Variants in PDCD1LG2 observed in about 807,000 individuals in gnomAD.
PDCD1LG2 encodes the protein programmed cell death 1 ligand 2, also known as B7 dendritic cell molecule.
A neutral mutation model predicts 28.2 loss-of-function variants in PDCD1LG2; 32 were observed. That is an observed-to-expected ratio of 1.13 (90% confidence interval 0.86 to 1.52). The LOEUF (loss-of-function observed/expected upper bound fraction) is 1.52. PDCD1LG2 is among the 40% of genes most tolerant of loss of function. PDCD1LG2 has a pLI of 0.00. For missense variants in PDCD1LG2, 385 were observed against 323.8 expected (o/e 1.19, Z -1.45); for synonymous variants, 116 against 120.2 (o/e 0.97, Z 0.23).
At chr9:5,521,464 A>G (rs1820272922) in intron 1 of PDCD1LG2, among the ~76,000 whole-genome samples, 1 of 152,210 alleles carries the variant, frequency 6.6e-6, no homozygotes, top group African/African-American at 2.4e-5. Flanking sequence ...ATTTTAAAAC[A>G]AAGAAAAAAT....
chr9:5,520,819 A>T (rs1563820912), intron 1 of PDCD1LG2, among the ~76,000 whole-genome samples: 1 of 152,198 alleles, frequency 6.6e-6, no homozygotes, highest in African/African-American at 2.4e-5. Flanking sequence ...TTCCTCAAAA[A>T]GTTAAATATA....
intron 1 of PDCD1LG2, among the ~76,000 whole-genome samples, chr9:5,512,726 T>A (rs1820085152): frequency 6.6e-6 from 1 of 152,198 alleles, no homozygotes; most frequent in Admixed American, 6.5e-5. Context: ...TTTTTTGGAA[T>A]GCTTATGCCT....
intron 3 of PDCD1LG2, among the ~76,000 whole-genome samples, chr9:5,538,033 A>G (rs1017093294): frequency 2.6e-4 from 40 of 152,382 alleles, no homozygotes; most frequent in African/African-American, 8.9e-4. Flanking sequence ...AATATGTTAC[A>G]TTAAGATAAA....
In PDCD1LG2 at chr9:5,570,871, C is replaced by G. The variant is rs182957048; in HGVS notation, c.*912C>G. ...CTTTTCAGTGCCTCAGTTTGCACAT[C>G]TGTAATACAGCAATGCTAAGTAGTC... On this transcript the variant is annotated 3_prime_UTR_variant, in exon 7 of 7. Coordinates refer to ENST00000397747, the MANE Select transcript of PDCD1LG2 (RefSeq NM_025239.4). 8.6e-6 allele frequency: 2 copies of G among 232,880 alleles called. No homozygotes were observed. The highest frequency in any genetic ancestry group is 5.6e-5 in the Admixed American group (1 of 17,788). The allele number at this position is 232,880 out of a possible 1,614,324, so 14.4% of individuals were successfully genotyped here. A position where few individuals can be genotyped will look rare whatever the true frequency, so the allele number is the denominator to read the frequency against.
At position 5,540,283 on chromosome 9, in the gene PDCD1LG2, T is replaced by C. The variant is rs567132470; in HGVS notation, c.361+5233T>C. Among the ~76,000 whole-genome samples the C allele has an allele frequency of 2.0e-5, 3 of 152,182 alleles. No individual in the cohort carries two copies. In the South Asian group the frequency reaches 6.2e-4, roughly 32 times the overall value. ...CATTAAATGCCTACATCAAAAAGTC[T>C]GAAAGAGCACAAATAGGCAATCTAA... is the stretch of plus-strand genomic sequence containing the variant. On this transcript the variant is annotated intron_variant, in intron 3 of 6. Transcript: ENST00000397747.
Position 5,557,843 on chromosome 9 carries a change from T to A in PDCD1LG2, c.766+91T>A, listed in dbSNP as rs1816477858. Reference sequence around the variant, plus strand: ...ACTGCAGGCCTATGGCTTGCTGCTTTCATGCTAAACCCACTCAGAGCTTAT... The same window carrying A: ...ACTGCAGGCCTATGGCTTGCTGCTTACATGCTAAACCCACTCAGAGCTTAT... On this transcript the variant is annotated intron_variant, in intron 5 of 6. Transcript: ENST00000397747. 4.7e-6 allele frequency: 7 copies of A among 1,497,054 alleles called. No individual in the cohort carries two copies. The South Asian group carries it at 7.1e-5, about 15-fold the overall frequency. 92.7% of individuals were successfully genotyped at this position (1,497,054 alleles called of 1,614,324 possible). A position where few individuals can be genotyped will look rare whatever the true frequency, so the allele number is the denominator to read the frequency against.
chr9:5,566,037 A>C (rs949913660), intron 6 of PDCD1LG2, among the ~76,000 whole-genome samples: 2 of 152,162 alleles, frequency 1.3e-5, no homozygotes, highest in Non-Finnish European at 2.9e-5. Flanking sequence ...TGACATTCCC[A>C]CACCCATTCT....
intron 3 of PDCD1LG2, among the ~76,000 whole-genome samples, chr9:5,536,588 T>C (rs993552879): frequency 6.6e-6 from 1 of 152,232 alleles, no homozygotes; most frequent in African/African-American, 2.4e-5. Flanking sequence ...CTGTTTTTAT[T>C]GATCTCTATC....
chr9:5,530,919 A>G (rs184629502), intron 2 of PDCD1LG2, among the ~76,000 whole-genome samples: 30 of 152,332 alleles, frequency 2.0e-4, no homozygotes, highest in African/African-American at 7.0e-4. Flanking sequence ...TTGAAATTCT[A>G]CATTTCTACC....
At chr9:5,516,327 G>C (rs913518533) in intron 1 of PDCD1LG2, among the ~76,000 whole-genome samples, 2 of 152,212 alleles carry the variant, frequency 1.3e-5, no homozygotes, top group Admixed American at 1.3e-4. Flanking sequence ...TGGGATTACA[G>C]GCATGAGCCA....
In PDCD1LG2 at chr9:5,570,381, T is replaced by C. The variant is rs1204630140; in HGVS notation, c.*422T>C. On this transcript the variant is annotated 3_prime_UTR_variant, in exon 7 of 7. Coordinates refer to ENST00000397747, the MANE Select transcript of PDCD1LG2 (RefSeq NM_025239.4). ...GGGTTGCCAATAGAGTTATTTTTTA[T>C]CTATAGCTTCCTCTGGGTACTAGAA... is the stretch of plus-strand genomic sequence containing the variant. The C allele has an allele frequency of 4.1e-6, 1 of 244,304 alleles. No individual in the cohort carries two copies. Among genetic ancestry groups the C allele is most frequent in the African/African-American group, 2.2e-5 (1 of 45,646 alleles). The allele number at this position is 244,304 out of a possible 1,614,324, so 15.1% of individuals were successfully genotyped here.
At chr9:5,558,058 G>A (rs1300819795) in intron 5 of PDCD1LG2, among the ~76,000 whole-genome samples, 2 of 152,218 alleles carry the variant, frequency 1.3e-5, no homozygotes, top group Non-Finnish European at 2.9e-5. Flanking sequence ...TTTTGGCAAT[G>A]CAGAGAGCTA....
intron 4 of PDCD1LG2, among the ~76,000 whole-genome samples, chr9:5,553,113 A>G (rs2129898485): frequency 6.6e-6 from 1 of 152,266 alleles, no homozygotes; most frequent in African/African-American, 2.4e-5. Context: ...CTCTGTCTCC[A>G]AAAAAGAAAA....
At chr9:5,543,417 C>T (rs1467738702) in intron 3 of PDCD1LG2, among the ~76,000 whole-genome samples, 15 of 151,862 alleles carry the variant, frequency 9.9e-5, no homozygotes, top group Admixed American at 6.6e-5. Flanking sequence ...CAGGCACCTG[C>T]AGTCGCAGCT....
intron 1 of PDCD1LG2, among the ~76,000 whole-genome samples, chr9:5,514,178 T>C (rs1820112460): frequency 6.6e-6 from 1 of 152,222 alleles, no homozygotes; most frequent in African/African-American, 2.4e-5. Context: ...TGTCTATGCC[T>C]CACTTATTGC....
chr9:5,542,293 C>T (rs1181772958), intron 3 of PDCD1LG2, among the ~76,000 whole-genome samples: 2 of 152,088 alleles, frequency 1.3e-5, no homozygotes, highest in East Asian at 3.9e-4. Context: ...TGACCAAGAA[C>T]CCAAAAGCAA....
Position 5,517,090 on chromosome 9 carries a change from C to T in PDCD1LG2, c.-14-5443C>T, listed in dbSNP as rs548345691. Among the ~76,000 whole-genome samples the T allele has an allele frequency of 9.2e-5, 14 of 152,352 alleles. No individual in the cohort carries two copies. In the South Asian group the frequency reaches 2.9e-3, roughly 32 times the overall value. On this transcript the variant is annotated intron_variant, in intron 1 of 6. Coordinates refer to ENST00000397747, the MANE Select transcript of PDCD1LG2 (RefSeq NM_025239.4). ...CTGTGAGCTATGATTGTGCCACTGA[C>T]TCCAGCCTGGGCAACAGAAAGAGAC...
chr9:5,562,664 A>G (rs1816589229), intron 5 of PDCD1LG2, among the ~76,000 whole-genome samples: 1 of 152,092 alleles, frequency 6.6e-6, no homozygotes, highest in Non-Finnish European at 1.5e-5. Flanking sequence ...TAAAAGAAAG[A>G]TGTGAAATCA....
rs2129922637 is a variant in PDCD1LG2 at position 5,557,744 on chromosome 9, C to T, written c.758C>T (p.Ser253Phe). Residue 253 changes from serine to phenylalanine, a missense_variant, in exon 5 of 7, where the codon TCT becomes TTT. Ser to Phe is a radical substitution (Grantham distance 155). Transcript: ENST00000397747. ...AAACAACTCTGTCAAAAGCTGTATT[C>T]TTCAAAAGGTAAGTGAGTTTTATTC... is the stretch of plus-strand genomic sequence containing the variant. Reference protein sequence around the residue: ...LRKQLCQKLYSSKDTTKRPVT... With the variant: ...LRKQLCQKLYFSKDTTKRPVT... 6.2e-7 allele frequency: 1 copy of T among 1,613,972 alleles called. No individual in the cohort carries two copies. Among genetic ancestry groups the T allele is most frequent in the African/African-American group, 1.3e-5 (1 of 75,034 alleles).
Sources: gnomAD v4.1 joint callset for allele counts (sites outside exome capture counted in the v4.1 genomes callset) on GRCh38, gnomAD v4.1.1 for gene constraint, MANE v1.5 for transcripts, NCBI Gene and HGNC (gene_info 2026-07-23, HGNC 2026-07-21) for gene names.